Variants in ROCK1 observed in about 807,000 individuals in gnomAD.
ROCK1 encodes Rho associated coiled-coil containing protein kinase 1.
ROCK1 carries 36 observed loss-of-function variants against 196.8 expected under a neutral mutation model. The ratio of observed to expected loss-of-function variants is 0.18; its 90% CI spans 0.14 to 0.24. The LOEUF (loss-of-function observed/expected upper bound fraction) is 0.24, where lower values mean the gene tolerates loss of function less well. Among genes scored for constraint, ROCK1 ranks in the 10% least tolerant of loss-of-function variants. The probability of loss-of-function intolerance (pLI) is 1.00; values close to 1 mark genes in which losing one functional copy is unlikely to be tolerated. For missense variants in ROCK1, 920 were observed against 1,562.0 expected, an observed-to-expected ratio of 0.59 and a Z score of 6.93; for synonymous variants, 443 against 515.9, an observed-to-expected ratio of 0.86 and a Z score of 1.91.
intron 1 of ROCK1, among the ~76,000 whole-genome samples, chr18:21,092,893 G>A (rs1460638589): frequency 3.9e-5 from 6 of 152,072 alleles, no homozygotes; most frequent in African/African-American, 1.4e-4. Flanking sequence ...TATCTCAGTT[G>A]GTGGTCTTAA....
intron 2 of ROCK1, among the ~76,000 whole-genome samples, chr18:21,064,317 A>G (rs1193084913): frequency 6.6e-6 from 1 of 152,140 alleles, no homozygotes; most frequent in African/African-American, 2.4e-5. Context: ...CCATTGAAAA[A>G]TCTAGCCCAT....
At chr18:20,980,411 G>A (rs2035519978) in intron 21 of ROCK1, among the ~76,000 whole-genome samples, 1 of 152,116 alleles carries the variant, frequency 6.6e-6, no homozygotes, top group African/African-American at 2.4e-5. Context: ...TGAAATTCTA[G>A]GACAGGTGAA....
At chr18:20,987,542 A>C (rs1382070818) in intron 18 of ROCK1, among the ~76,000 whole-genome samples, 1 of 152,210 alleles carries the variant, frequency 6.6e-6, no homozygotes, top group Non-Finnish European at 1.5e-5. Flanking sequence ...TAGGAACTCC[A>C]ATTTATACAA....
At chr18:20,973,107 G>A (rs547417716) in intron 22 of ROCK1, among the ~76,000 whole-genome samples, 7 of 152,174 alleles carry the variant, frequency 4.6e-5, no homozygotes, top group South Asian at 2.1e-4. Context: ...TTGAACTCCC[G>A]ACCTCAGGGA....
At chr18:21,081,508 AAT>A (rs750041639) in intron 1 of ROCK1, among the ~76,000 whole-genome samples, 13 of 152,154 alleles carry the variant, frequency 8.5e-5, no homozygotes, top group Non-Finnish European at 1.6e-4. Context: ...AGAAGGAAAG[AAT>A]AAAGATTAAA....
intron 8 of ROCK1, among the ~76,000 whole-genome samples, chr18:21,041,452 C>T (rs530077694): frequency 6.6e-6 from 1 of 151,960 alleles, no homozygotes; most frequent in Admixed American, 6.6e-5. Context: ...ACTAATACAT[C>T]TGGTTCACTT....
At chr18:21,098,011 A>G (rs1207620290) in intron 1 of ROCK1, among the ~76,000 whole-genome samples, 5 of 152,232 alleles carry the variant, frequency 3.3e-5, no homozygotes, top group African/African-American at 1.2e-4. Context: ...GGATAAATGG[A>G]TATCACAGTG....
chr18:21,000,853 T>C (rs557061462), intron 16 of ROCK1, among the ~76,000 whole-genome samples: 1 of 152,252 alleles, frequency 6.6e-6, no homozygotes, highest in East Asian at 1.9e-4. Context: ...AGTTTGGAAA[T>C]TCCTCCAAAG....
In ROCK1 at chr18:21,045,273, A is replaced by C. The variant is rs756229580; in HGVS notation, c.590+19T>G. On this transcript the variant is annotated intron_variant, in intron 5 of 32. Coordinates refer to ENST00000399799, the MANE Select transcript of ROCK1 (RefSeq NM_005406.3). ...TTTCCCTCAACAAATGAGAAAATTT[A>C]AAGCACTTTTATCTTTACCTGTGAA... The C allele has an allele frequency of 1.3e-6, 2 of 1,555,162 alleles. No individual in the cohort carries two copies. The highest frequency in any genetic ancestry group is 1.7e-6 in the Non-Finnish European group (2 of 1,153,374).
At chr18:20,965,759 A>G (rs1358931476) in intron 27 of ROCK1, among the ~76,000 whole-genome samples, 2 of 152,294 alleles carry the variant, frequency 1.3e-5, no homozygotes, top group Non-Finnish European at 1.5e-5. Flanking sequence ...AAAAATAGGT[A>G]AACAGAGGAG....
intron 1 of ROCK1, among the ~76,000 whole-genome samples, chr18:21,094,184 C>T (rs1003344526): frequency 6.6e-5 from 10 of 152,152 alleles, no homozygotes; most frequent in Non-Finnish European, 1.5e-4. Flanking sequence ...CAAAGAAAAA[C>T]GTAAGAGAAC....
intron 12 of ROCK1, among the ~76,000 whole-genome samples, chr18:21,016,375 G>A (rs1277781458): frequency 2.0e-5 from 3 of 152,098 alleles, no homozygotes; most frequent in East Asian, 1.9e-4. Flanking sequence ...CCTAAACTCC[G>A]TCATGCAATA....
chr18:20,950,840 C>T lies in ROCK1; in HGVS notation c.*544G>A, dbSNP rs2035179422. 6.6e-6 allele frequency: 1 copy of T among 152,494 alleles called. No homozygotes were observed. Among genetic ancestry groups the T allele is most frequent in the African/African-American group, 2.4e-5 (1 of 41,406 alleles). 9.4% of individuals were successfully genotyped at this position (152,494 alleles called of 1,614,324 possible). A position where few individuals can be genotyped will look rare whatever the true frequency, so the allele number is the denominator to read the frequency against. ...CAATCAACAGTAAGGCTTTTAAATT[C>T]TACAGTGAGGGCACTGAAGTTCAAG... On this transcript the variant is annotated 3_prime_UTR_variant, in exon 33 of 33. Coordinates refer to ENST00000399799, the MANE Select transcript of ROCK1 (RefSeq NM_005406.3).
At chr18:21,060,418 T>C (rs2036278586) in intron 2 of ROCK1, among the ~76,000 whole-genome samples, 1 of 152,202 alleles carries the variant, frequency 6.6e-6, no homozygotes, top group Non-Finnish European at 1.5e-5. Flanking sequence ...TTGGTGGGAA[T>C]GTATAATAAA....
intron 16 of ROCK1, among the ~76,000 whole-genome samples, chr18:20,999,208 CTAATT>C (rs1159750530): frequency 1.3e-4 from 19 of 151,612 alleles, no homozygotes; most frequent in Admixed American, 1.2e-3. Context: ...TAGCAAAAAA[CTAATT>C]TAAATATGTT....
intron 12 of ROCK1, among the ~76,000 whole-genome samples, chr18:21,017,145 G>A (rs1449601595): frequency 7.1e-6 from 1 of 140,576 alleles, no homozygotes; most frequent in East Asian, 2.1e-4. Context: ...TGATATTCCT[G>A]TATAATTTTA....
Position 20,951,286 on chromosome 18 carries a change from T to C in ROCK1, c.*98A>G. On this transcript the variant is annotated 3_prime_UTR_variant, in exon 33 of 33. Transcript: ENST00000399799. ...ATCTTAACCCTGAAGCCTGTGATAT[T>C]TGTGTCAAAGAAACAGCCTGTCTGC... The C allele has an allele frequency of 1.8e-5, 19 of 1,080,062 alleles. No individual in the cohort carries two copies. Among genetic ancestry groups the C allele is most frequent in the Non-Finnish European group, 2.4e-5 (18 of 742,334 alleles). 66.9% of individuals were successfully genotyped at this position (1,080,062 alleles called of 1,614,324 possible).
chr18:21,022,724 C>G (rs1471844940), intron 11 of ROCK1, among the ~76,000 whole-genome samples: 1 of 152,154 alleles, frequency 6.6e-6, no homozygotes, highest in Non-Finnish European at 1.5e-5. Context: ...AGGGCAATGG[C>G]TTCCCACTCT....
intron 1 of ROCK1, among the ~76,000 whole-genome samples, chr18:21,100,614 A>C (rs1334280383): frequency 5.3e-5 from 8 of 152,116 alleles, no homozygotes; most frequent in Non-Finnish European, 1.2e-4. Context: ...TGAGAGCGAA[A>C]TAAATAAATA....
Sources: allele counts gnomAD v4.1 joint callset (sites outside exome capture counted in the v4.1 genomes callset), GRCh38; gene constraint gnomAD v4.1.1; transcripts MANE v1.5; gene names NCBI Gene and HGNC (gene_info 2026-07-23, HGNC 2026-07-21).